The following ADCY3 variants were observed in gnomAD, a reference collection of about 807,000 sequenced individuals.
ADCY3 encodes adenylate cyclase 3.
A neutral mutation model predicts 119.4 loss-of-function variants in ADCY3; 70 were observed. The ratio of observed to expected loss-of-function variants is 0.59; its 90% CI spans 0.48 to 0.72. ADCY3 has a LOEUF of 0.72. Among genes scored for constraint, ADCY3 ranks in the 30% least tolerant of loss-of-function variants. ADCY3 has a pLI of 0.00. For synonymous variants in ADCY3, 672 were observed against 621.4 expected (o/e 1.08, Z -1.21); for missense variants, 1,238 against 1,541.6 (o/e 0.80, Z 3.30).
intron 2 of ADCY3, among the ~76,000 whole-genome samples, chr2:24,905,349 T>G (rs1360420178): frequency 2.0e-5 from 3 of 152,166 alleles, no homozygotes; most frequent in Admixed American, 2.0e-4. Flanking sequence ...TTAGCCAGTA[T>G]GGTCTTGATC....
intron 11 of ADCY3, chr2:24,832,053 G>T (rs1669646471): frequency 1.0e-5 from 1 of 96,924 alleles, no homozygotes. Context: ...ACAAGGACCG[G>T]GGGAAGGGGG....
intron 2 of ADCY3, chr2:24,877,887 T>C: frequency 6.4e-6 from 3 of 471,172 alleles, no homozygotes; most frequent in Non-Finnish European, 1.3e-5. Context: ...GGGAGCTGAC[T>C]GCACTGCCCA....
chr2:24,919,979 G>A lies in ADCY3; in HGVS notation c.-494C>T, dbSNP rs1223645259. ...CGCCCGCCCTGGGGCTGAGGCTCAG[G>A]GGCAGGGGCCGTGCGGGGGCCGGCA... On this transcript the variant is annotated 5_prime_UTR_variant, in exon 1 of 22. Coordinates refer to ENST00000679454, the MANE Select transcript of ADCY3 (RefSeq NM_004036.5). This position sits in a 1 kb window ranked among gnomAD's most constrained non-coding sequence, Gnocchi z 5.5. The A allele has an allele frequency of 6.7e-6, 1 of 149,222 alleles. No homozygotes were observed. The highest frequency in any genetic ancestry group is 1.5e-5 in the Non-Finnish European group (1 of 66,862). The allele number at this position is 149,222 out of a possible 1,614,324, so 9.2% of individuals were successfully genotyped here. A position where few individuals can be genotyped will look rare whatever the true frequency, so the allele number is the denominator to read the frequency against.
Position 24,918,523 on chromosome 2 carries a change from C to T in ADCY3, c.465G>A (p.Leu155=), listed in dbSNP as rs756384011. ...CGTGGGCACGCGCGAAGTTCAGGCC[C>T]AGGTAGGAGAAGATCTGGGCGGTTA... ...LLITAQIFSY[L]GLNFARAHAA... The change falls in exon 2 of 22, where the codon CTG becomes CTA. Residue 155 remains leucine, a synonymous_variant. Coordinates refer to ENST00000679454, the MANE Select transcript of ADCY3 (RefSeq NM_004036.5). The surrounding 1 kb of genome is among the most constrained non-coding windows in gnomAD (Gnocchi z 5.4). The T allele has an allele frequency of 6.2e-7, 1 of 1,613,940 alleles. No homozygotes were observed. Among genetic ancestry groups the T allele is most frequent in the South Asian group, 1.1e-5 (1 of 91,064 alleles).
Position 24,898,312 on chromosome 2 carries a change from C to T in ADCY3, c.675+20001G>A, listed in dbSNP as rs943196592. Among the ~76,000 whole-genome samples the T allele has an allele frequency of 2.0e-5, 3 of 152,114 alleles. No individual in the cohort carries two copies. Among genetic ancestry groups the T allele is most frequent in the Admixed American group, 6.5e-5 (1 of 15,278 alleles). On this transcript the variant is annotated intron_variant, in intron 2 of 21. Transcript: ENST00000679454. This position sits in a 1 kb window ranked among gnomAD's most constrained non-coding sequence, Gnocchi z 4.3. ...GGCTCGAGGACCGCCTTTCCATCAC[C>T]GTGGGGTGAGCCCCACCCTCGCACC...
chr2:24,841,930 C>A lies in ADCY3; in HGVS notation c.957-263G>T, dbSNP rs1296720401. Among the ~76,000 whole-genome samples, 1 of 152,234 alleles carries A rather than the reference C, an allele frequency of 6.6e-6. No homozygotes were observed. Among genetic ancestry groups the A allele is most frequent in the Non-Finnish European group, 1.5e-5 (1 of 68,042 alleles). On this transcript the variant is annotated intron_variant, in intron 4 of 21. Coordinates refer to ENST00000679454, the MANE Select transcript of ADCY3 (RefSeq NM_004036.5). This position sits in a 1 kb window ranked among gnomAD's most constrained non-coding sequence, Gnocchi z 5.8. ...CCCACACTGCCCACTCCTGCCCAGG[C>A]TGAACTCATCCTTCTTCCTAGAATC... is the stretch of plus-strand genomic sequence containing the variant.
intron 2 of ADCY3, among the ~76,000 whole-genome samples, chr2:24,906,371 T>A (rs1679444486): frequency 6.6e-6 from 1 of 152,054 alleles, no homozygotes; most frequent in Non-Finnish European, 1.5e-5. Context: ...ATATCCCAAA[T>A]TTGTCCCTGG....
In ADCY3 at chr2:24,841,193, TTCTCCCTGGGTCCAGG is replaced by T. The variant is rs1230980963; in HGVS notation, c.1196+50_1196+65del. 2 of 1,483,324 alleles carry T rather than the reference TTCTCCCTGGGTCCAGG, an allele frequency of 1.3e-6. No homozygotes were observed. Among genetic ancestry groups the T allele is most frequent in the African/African-American group, 2.8e-5 (2 of 71,180 alleles). The allele number at this position is 1,483,324 out of a possible 1,614,324, so 91.9% of individuals were successfully genotyped here. On this transcript the variant is annotated intron_variant, in intron 6 of 21. Transcript: ENST00000679454. The surrounding 1 kb of genome is among the most constrained non-coding windows in gnomAD (Gnocchi z 5.8). Reference sequence around the variant, plus strand: ...GCCATGGCCAGCGCGGAAGACCTGCTTCTCCCTGGGTCCAGGGCCGGGGCCCTTGCTCTGGGAGCCT... The same window carrying T: ...GCCATGGCCAGCGCGGAAGACCTGCTGCCGGGGCCCTTGCTCTGGGAGCCT...
intron 6 of ADCY3, chr2:24,840,741 G>A (rs1260937850): frequency 2.0e-5 from 7 of 349,916 alleles, no homozygotes; most frequent in African/African-American, 1.5e-4. Flanking sequence ...GGCAAGAGTA[G>A]GGGACAGTGA....
intron 2 of ADCY3, among the ~76,000 whole-genome samples, chr2:24,905,566 G>T (rs1325596117): frequency 6.6e-6 from 1 of 152,224 alleles, no homozygotes; most frequent in Non-Finnish European, 1.5e-5. Context: ...CAAGCGGGGA[G>T]GGATGTCAGG....
chr2:24,896,939 G>T (rs549431131), intron 2 of ADCY3, among the ~76,000 whole-genome samples: 2 of 152,204 alleles, frequency 1.3e-5, no homozygotes, highest in East Asian at 1.9e-4. Context: ...GGGCTCACTC[G>T]GTTAGTCTTC....
chr2:24,916,680 C>CA (rs554513001), intron 2 of ADCY3, among the ~76,000 whole-genome samples: 41 of 143,796 alleles, frequency 2.9e-4, no homozygotes, highest in East Asian at 6.0e-4. Flanking sequence ...GACTCCGTCT[C>CA]AAAAAAAAAA....
chr2:24,894,705 T>C (rs1000023937), intron 2 of ADCY3, among the ~76,000 whole-genome samples: 3 of 151,818 alleles, frequency 2.0e-5, no homozygotes, highest in Admixed American at 6.6e-5. Context: ...TGGAAGCCTC[T>C]TCACTCCTTT....
Position 24,842,491 on chromosome 2 carries a change from G to A in ADCY3, c.826-107C>T. ...GATCCTGGCAAGAAACGTGAGCAGG[G>A]AACCATGCTGCCCTCCAGAGAGACC... is the stretch of plus-strand genomic sequence containing the variant. On this transcript the variant is annotated intron_variant, in intron 3 of 21. Transcript: ENST00000679454. This position sits in a 1 kb window ranked among gnomAD's most constrained non-coding sequence, Gnocchi z 4.9. The A allele has an allele frequency of 7.1e-7, 1 of 1,412,458 alleles. No individual in the cohort carries two copies. The highest frequency in any genetic ancestry group is 9.7e-7 in the Non-Finnish European group (1 of 1,034,014). The allele number at this position is 1,412,458 out of a possible 1,614,324, so 87.5% of individuals were successfully genotyped here.
At position 24,820,010 on chromosome 2, in the gene ADCY3, CA is replaced by C. The variant is rs1558389289; in HGVS notation, c.3356del (p.Leu1119Ter). The C allele has an allele frequency of 6.2e-7, 1 of 1,612,660 alleles. No homozygotes were observed. The highest frequency in any genetic ancestry group is 8.5e-7 in the Non-Finnish European group (1 of 1,179,326). ...AGGTGGCTAGCTTATCCCGCCCCTT[CA>C]AGAAGAAGGTCAGCAGCTCCCCCTT... The part of the protein sequence containing the change: ...KGKGELLTFF[L>X]KGRDKLATFP... On this transcript the variant is annotated frameshift_variant, in exon 22 of 22. Coordinates refer to ENST00000679454, the MANE Select transcript of ADCY3 (RefSeq NM_004036.5). LOFTEE classifies it high-confidence loss of function.
chr2:24,847,812 C>A (rs1671823105), intron 3 of ADCY3, among the ~76,000 whole-genome samples: 1 of 152,250 alleles, frequency 6.6e-6, no homozygotes, highest in Non-Finnish European at 1.5e-5. Context: ...CCTCTCAAGG[C>A]AGACAGCTGC....
chr2:24,917,364 T>A (rs932984601), intron 2 of ADCY3, among the ~76,000 whole-genome samples: 35 of 152,178 alleles, frequency 2.3e-4, no homozygotes, highest in Admixed American at 6.5e-5. Context: ...GGGCAGGAAG[T>A]GGGGGAGCCT....
At chr2:24,835,713 A>G (rs1670217597) in intron 9 of ADCY3, among the ~76,000 whole-genome samples, 1 of 152,126 alleles carries the variant, frequency 6.6e-6, no homozygotes, top group Admixed American at 6.5e-5. Flanking sequence ...AGGTGGGTGG[A>G]TCACTTGAGG....
rs1260502067 is a variant in ADCY3, at chr2:24,821,014, G to GT, written c.3128-167dup. 8 of 948,324 alleles carry GT rather than the reference G, an allele frequency of 8.4e-6. No homozygotes were observed. The East Asian group carries it at 2.0e-4, about 23-fold the overall frequency. 58.7% of individuals were successfully genotyped at this position (948,324 alleles called of 1,614,324 possible). A position where few individuals can be genotyped will look rare whatever the true frequency, so the allele number is the denominator to read the frequency against. On this transcript the variant is annotated intron_variant, in intron 20 of 21. Coordinates refer to ENST00000679454, the MANE Select transcript of ADCY3 (RefSeq NM_004036.5). ...TTGGAGGGTGGAAATCACATCTCCT[G>GT]TTTATCCGTGTGCTTGTTAGGTGTC... is the stretch of plus-strand genomic sequence containing the variant.
Sources: allele counts gnomAD v4.1 joint callset (sites outside exome capture counted in the v4.1 genomes callset), GRCh38; gene constraint gnomAD v4.1.1; non-coding constraint Gnocchi (gnomAD v3.1); transcripts MANE v1.5; gene names NCBI Gene and HGNC (gene_info 2026-07-23, HGNC 2026-07-21).